Variants in RAB30 observed in about 807,000 individuals in gnomAD.
RAB30 encodes RAB30, member RAS oncogene family.
Under a neutral mutation model 25.1 loss-of-function variants are expected in RAB30, and 9 were observed. The observed-to-expected ratio is 0.36, with a 90% CI of 0.22 to 0.63. RAB30 has a LOEUF of 0.63. RAB30 is among the 20% of genes least tolerant of loss of function. The pLI is 0.69. For synonymous variants in RAB30, 77 were observed against 86.4 expected, an observed-to-expected ratio of 0.89 and a Z score of 0.60; for missense variants, 140 against 243.5, an observed-to-expected ratio of 0.58 and a Z score of 2.83.
intron 1 of RAB30, among the ~76,000 whole-genome samples, chr11:83,057,810 T>C (rs559715866): frequency 6.6e-6 from 1 of 152,334 alleles, no homozygotes; most frequent in East Asian, 1.9e-4. Flanking sequence ...GAGAAAAGTA[T>C]TCGTCAGACC....
intron 3 of RAB30, among the ~76,000 whole-genome samples, chr11:82,993,204 T>C (rs2121454696): frequency 6.6e-6 from 1 of 152,350 alleles, no homozygotes; most frequent in South Asian, 2.1e-4. Context: ...AGTGTGCCTT[T>C]CTTCCCTTCT....
chr11:83,004,661 C>T (rs1857150051), intron 1 of RAB30, among the ~76,000 whole-genome samples: 1 of 152,156 alleles, frequency 6.6e-6, no homozygotes, highest in Non-Finnish European at 1.5e-5. Context: ...ATCTCACCCT[C>T]TTTGATGATC....
intron 2 of RAB30, among the ~76,000 whole-genome samples, chr11:82,995,314 T>G (rs1167114623): frequency 6.6e-6 from 1 of 152,248 alleles, no homozygotes; most frequent in East Asian, 1.9e-4. Flanking sequence ...AATATAAACA[T>G]TCATAACTTT....
At chr11:83,055,679 G>T (rs1858444521) in intron 1 of RAB30, among the ~76,000 whole-genome samples, 1 of 152,222 alleles carries the variant, frequency 6.6e-6, no homozygotes, top group Admixed American at 6.5e-5. Context: ...GTATTTAGAG[G>T]TGGGAACTTT....
chr11:83,036,267 C>A (rs777899561), intron 1 of RAB30, among the ~76,000 whole-genome samples: 2 of 151,554 alleles, frequency 1.3e-5, no homozygotes, highest in Non-Finnish European at 2.9e-5. Context: ...CCCAGGTTCA[C>A]ACAATTCTCC....
chr11:83,027,499 C>T (rs1240594053), intron 1 of RAB30, among the ~76,000 whole-genome samples: 1 of 152,100 alleles, frequency 6.6e-6, no homozygotes, highest in Non-Finnish European at 1.5e-5. Flanking sequence ...AAGATGGTAA[C>T]ATCAGGGGAG....
chr11:82,982,547 G>T, intron 4 of RAB30, 132 bp from the exon 5 acceptor site: 1 of 957,862 alleles, frequency 1.0e-6, no homozygotes, highest in Non-Finnish European at 1.5e-6. Context: ...ATGTGACTGT[G>T]ATTACTGAAA....
chr11:83,000,428 GATA>G (rs1198200678), intron 1 of RAB30, among the ~76,000 whole-genome samples: 1 of 152,162 alleles, frequency 6.6e-6, no homozygotes, highest in Non-Finnish European at 1.5e-5. Flanking sequence ...TCAGGGACAT[GATA>G]TATAAACTAA....
chr11:83,017,131 G>A (rs1161964421), intron 1 of RAB30, among the ~76,000 whole-genome samples: 2 of 152,142 alleles, frequency 1.3e-5, no homozygotes, highest in Non-Finnish European at 2.9e-5. Context: ...TTCAGCCTAG[G>A]AGTTCGAGAA....
intron 1 of RAB30, 116 bp from the exon 2 acceptor site, chr11:82,997,440 T>A: frequency 1.4e-6 from 1 of 716,792 alleles, no homozygotes; most frequent in Non-Finnish European, 2.4e-6. Flanking sequence ...AAGAGCAATT[T>A]AAAGCTCCCC....
intron 3 of RAB30, chr11:82,992,511 GCTTCTCTGCT>G (rs1590838711): frequency 5.1e-6 from 2 of 392,158 alleles, no homozygotes; most frequent in East Asian, 1.5e-4. Flanking sequence ...GCATTATGGA[GCTTCTCTGCT>G]CTTCCCAAGG....
chr11:83,068,255 G>A (rs775754887), intron 1 of RAB30, among the ~76,000 whole-genome samples: 8 of 150,990 alleles, frequency 5.3e-5, no homozygotes, highest in Non-Finnish European at 5.9e-5. Context: ...CCGAGATTGC[G>A]CCATTGTACT....
rs752607090 is a variant in RAB30, at chr11:82,987,588, C to G, written c.360G>C (p.Val120=). 11 of 1,607,306 alleles carry G rather than the reference C, an allele frequency of 6.8e-6. No homozygotes were observed. The Admixed American group carries it at 1.5e-4, about 22-fold the overall frequency. The part of the protein sequence containing the change: ...YASNKVITVL[V]GNKIDLAERR... ...CCCTCCTCGTTAGCCCTTACTTACCCACTAACACAGTGATGACCTTGTTGC... is the reference window on the plus strand; with the variant it reads ...CCCTCCTCGTTAGCCCTTACTTACCGACTAACACAGTGATGACCTTGTTGC... Residue 120 remains valine (V), a splice_region_variant and synonymous_variant, in exon 4 of 5, where the codon GTG becomes GTC. Coordinates refer to ENST00000527633, the MANE Select transcript of RAB30 (RefSeq NM_001286060.2).
At chr11:83,027,136 G>C (rs543589284) in intron 1 of RAB30, among the ~76,000 whole-genome samples, 5 of 152,280 alleles carry the variant, frequency 3.3e-5, no homozygotes, top group African/African-American at 1.2e-4. Context: ...GCATTTGCTT[G>C]AAATAATCTG....
rs1008294075 is a variant in RAB30, at chr11:83,059,374, G to A, written c.-9+12317C>T. ...GGAGATTTTTCCATATCTGTACTTA[G>A]AGAACACCCTAATTCTTGTTTGCAG... On this transcript the variant is annotated intron_variant, in intron 1 of 4. Transcript: ENST00000527633. Among the ~76,000 whole-genome samples the A allele has an allele frequency of 5.9e-5, 9 of 152,160 alleles. No homozygotes were observed. In the South Asian group the frequency reaches 1.9e-3, roughly 32 times the overall value.
rs560512710 is a variant in RAB30, at chr11:82,977,215, C to G, written c.*4950G>C. The G allele has an allele frequency of 6.6e-6, 1 of 152,282 alleles. No homozygotes were observed. The highest frequency in any genetic ancestry group is 2.4e-5 in the African/African-American group (1 of 41,560). 9.4% of individuals were successfully genotyped at this position (152,282 alleles called of 1,614,324 possible). On this transcript the variant is annotated 3_prime_UTR_variant, in exon 5 of 5. Transcript: ENST00000527633. ...AACAATACCTTTTGATTCAACAGGA[C>G]ATCAATGAATGGACCGACAAAGCAA...
chr11:83,067,146 C>T (rs553500049), intron 1 of RAB30, among the ~76,000 whole-genome samples: 2 of 152,266 alleles, frequency 1.3e-5, no homozygotes, highest in East Asian at 1.9e-4. Context: ...GCCAAAGTAC[C>T]TCTTTGTACG....
intron 1 of RAB30, among the ~76,000 whole-genome samples, chr11:83,024,211 T>C (rs1437243707): frequency 2.0e-5 from 3 of 152,226 alleles, no homozygotes; most frequent in Admixed American, 1.3e-4. Flanking sequence ...AGGCATACAA[T>C]AGGCCTTCAG....
intron 4 of RAB30, among the ~76,000 whole-genome samples, chr11:82,983,190 T>C (rs1003599623): frequency 2.0e-5 from 3 of 151,878 alleles, no homozygotes; most frequent in African/African-American, 7.3e-5. Context: ...TAGACCAAAA[T>C]CTTAATTTAA....
Sources: gnomAD v4.1 joint callset for allele counts (sites outside exome capture counted in the v4.1 genomes callset) on GRCh38, gnomAD v4.1.1 for gene constraint, MANE v1.5 for transcripts, NCBI Gene and HGNC (gene_info 2026-07-23, HGNC 2026-07-21) for gene names.